CDYL2: variants seen among roughly 807,000 people sequenced by gnomAD.
CDYL2 encodes chromodomain Y-like protein 2.
In CDYL2, 23 loss-of-function variants were observed where a neutral mutation model predicts 49.4. The observed-to-expected ratio is 0.47, with a 90% CI of 0.34 to 0.66. The LOEUF is 0.66. CDYL2 is among the 30% of genes least tolerant of loss of function. CDYL2 has a pLI of 0.01. For synonymous variants in CDYL2, 360 were observed against 268.8 expected (o/e 1.34, Z -3.32); for missense variants, 678 against 656.4 (o/e 1.03, Z -0.36).
chr16:80,626,633 T>C lies in CDYL2; in HGVS notation c.835-5698A>G, dbSNP rs986902703. 9.2e-5 allele frequency among the ~76,000 whole-genome samples: 14 copies of C among 152,186 alleles called. 1 individual carries two copies. Among genetic ancestry groups the C allele is most frequent in the African/African-American group, 3.4e-4 (14 of 41,440 alleles). On this transcript the variant is annotated intron_variant, in intron 3 of 6. Transcript: ENST00000570137. ...AACAAGAGCAGAAAGTACATAGTGA[T>C]AGAAAACAAGGCATGGCGTGTGCCT... is the stretch of plus-strand genomic sequence containing the variant.
intron 1 of CDYL2, among the ~76,000 whole-genome samples, chr16:80,791,693 C>T (rs1188174615): frequency 6.6e-6 from 1 of 152,002 alleles, no homozygotes; most frequent in African/African-American, 2.4e-5. Context: ...GGAGAGAGCA[C>T]AGAACATTCA....
rs58509953 is a variant in CDYL2, at chr16:80,672,535, A to AAAAGGAAAGGAAAGGAAAGGAAAGG, written c.616+11978_616+12002dup. 2.2e-3 allele frequency among the ~76,000 whole-genome samples: 104 copies of AAAAGGAAAGGAAAGGAAAGGAAAGG among 46,320 alleles called. 4 individuals are homozygous for AAAAGGAAAGGAAAGGAAAGGAAAGG. The highest frequency in any genetic ancestry group is 5.5e-3 in the African/African-American group (70 of 12,652). The allele number at this position is 46,320 out of a possible 152,430, so 30.4% of individuals were successfully genotyped here. Reference sequence around the variant, plus strand: ...GAAAGAAGCAAAGCAAAGGAAAAGGAAAAGGAAAGGAAAGGAAAGGAAAGG... The same window carrying AAAAGGAAAGGAAAGGAAAGGAAAGG: ...GAAAGAAGCAAAGCAAAGGAAAAGGAAAAGGAAAGGAAAGGAAAGGAAAGGAAAGGAAAGGAAAGGAAAGGAAAGG... On this transcript the variant is annotated intron_variant, in intron 2 of 6. Coordinates refer to ENST00000570137, the MANE Select transcript of CDYL2 (RefSeq NM_152342.4).
chr16:80,794,832 C>T (rs551711286), intron 1 of CDYL2, among the ~76,000 whole-genome samples: 6 of 151,848 alleles, frequency 4.0e-5, no homozygotes, highest in African/African-American at 1.5e-4. Context: ...AGGCTGGTCT[C>T]GAACTCCCGA....
chr16:80,648,972 T>C (rs1216652511), intron 2 of CDYL2, among the ~76,000 whole-genome samples: 1 of 152,038 alleles, frequency 6.6e-6, no homozygotes, highest in Non-Finnish European at 1.5e-5. Flanking sequence ...CCTAAAAAAC[T>C]GGTATAGAAG....
intron 1 of CDYL2, among the ~76,000 whole-genome samples, chr16:80,694,995 A>C (rs1486555221): frequency 1.3e-5 from 2 of 152,272 alleles, no homozygotes; most frequent in East Asian, 1.9e-4. Flanking sequence ...TGATAATAAG[A>C]GTAACCCAAA....
rs529717093 is a variant in CDYL2, at chr16:80,722,004, G to A, written c.25-36875C>T. Among the ~76,000 whole-genome samples the A allele has an allele frequency of 8.5e-5, 13 of 152,300 alleles. No homozygotes were observed. In the South Asian group the frequency reaches 2.7e-3, roughly 32 times the overall value. ...AATTCTCAGGAGACCCTTCTTTGAG[G>A]AAGAAGTGGTTATGGACCCCTCAGG... On this transcript the variant is annotated intron_variant, in intron 1 of 6. Transcript: ENST00000570137.
intron 1 of CDYL2, among the ~76,000 whole-genome samples, chr16:80,772,137 T>A (rs1023718196): frequency 6.6e-6 from 1 of 152,146 alleles, no homozygotes; most frequent in Non-Finnish European, 1.5e-5. Flanking sequence ...CTTTACTTCA[T>A]GAAAAAACAT....
intron 1 of CDYL2, among the ~76,000 whole-genome samples, chr16:80,780,020 A>C (rs13336573): frequency 6.6e-6 from 1 of 152,190 alleles, no homozygotes; most frequent in African/African-American, 2.4e-5. Flanking sequence ...ACACATGAAC[A>C]CCTATGACTG....
intron 1 of CDYL2, among the ~76,000 whole-genome samples, chr16:80,783,810 T>C (rs572700213): frequency 6.6e-6 from 1 of 152,262 alleles, no homozygotes; most frequent in East Asian, 1.9e-4. Flanking sequence ...GAAAAGGCCA[T>C]ATGTTATACA....
chr16:80,758,862 T>C (rs559679955), intron 1 of CDYL2, among the ~76,000 whole-genome samples: 21 of 151,852 alleles, frequency 1.4e-4, no homozygotes, highest in African/African-American at 5.1e-4. Context: ...CTTCTAATCA[T>C]ATCAAAAAAT....
At chr16:80,718,979 G>A (rs183710355) in intron 1 of CDYL2, among the ~76,000 whole-genome samples, 479 of 152,308 alleles carry the variant, frequency 3.1e-3, no homozygotes, top group South Asian at 0.017. Context: ...TAAATCCAAA[G>A]TTGTCAGAAC....
At chr16:80,692,954 T>C (rs994176761) in intron 1 of CDYL2, among the ~76,000 whole-genome samples, 2 of 152,134 alleles carry the variant, frequency 1.3e-5, no homozygotes, top group African/African-American at 4.8e-5. Flanking sequence ...AAATAGACCA[T>C]AGCATATCTG....
chr16:80,767,268 T>C (rs887972597), intron 1 of CDYL2, among the ~76,000 whole-genome samples: 1 of 152,218 alleles, frequency 6.6e-6, no homozygotes, highest in Non-Finnish European at 1.5e-5. Flanking sequence ...ACTGCATTTT[T>C]GCACAGAATT....
intron 1 of CDYL2, among the ~76,000 whole-genome samples, chr16:80,702,402 G>A (rs78067771): frequency 0.019 from 2,894 of 152,140 alleles, 31 homozygotes; most frequent in African/African-American, 0.029. Flanking sequence ...GTGGCATGAA[G>A]TAAAATAGTA....
chr16:80,633,267 C>T (rs371148172), intron 2 of CDYL2, 31 bp from the exon 3 acceptor site: 336 of 1,592,846 alleles, frequency 2.1e-4, no homozygotes, highest in Non-Finnish European at 2.7e-4. Context: ...ATGTAAGAAA[C>T]TGAAATGGAC....
chr16:80,606,181 G>A (rs1906324560), intron 6 of CDYL2, among the ~76,000 whole-genome samples: 1 of 152,220 alleles, frequency 6.6e-6, no homozygotes, highest in African/African-American at 2.4e-5. Context: ...GGTGGGATGA[G>A]CTGCCAGACC....
At chr16:80,606,749 C>G (rs7196378) in intron 6 of CDYL2, among the ~76,000 whole-genome samples, 46,028 of 151,968 alleles carry the variant, frequency 0.3, 7,255 homozygotes, top group Middle Eastern at 0.37. Flanking sequence ...GGAGATAATT[C>G]AATGACGGGG....
chr16:80,677,798 GC>G (rs1258461675), intron 2 of CDYL2, among the ~76,000 whole-genome samples: 2 of 151,666 alleles, frequency 1.3e-5, no homozygotes, highest in Non-Finnish European at 2.9e-5. Flanking sequence ...AGCCCACATT[GC>G]CAAGTCAATC....
intron 1 of CDYL2, among the ~76,000 whole-genome samples, chr16:80,775,459 G>C (rs943826833): frequency 2.0e-5 from 3 of 151,636 alleles, no homozygotes; most frequent in Admixed American, 1.3e-4. Context: ...AAGGGGGGTG[G>C]GTTGTAACAA....
Sources: gnomAD v4.1 joint callset for allele counts (sites outside exome capture counted in the v4.1 genomes callset) on GRCh38, gnomAD v4.1.1 for gene constraint, MANE v1.5 for transcripts, NCBI Gene and HGNC (gene_info 2026-07-23, HGNC 2026-07-21) for gene names.